The following CSNK1G3 variants were observed in gnomAD, a reference collection of about 807,000 sequenced individuals.
CSNK1G3 encodes casein kinase 1 gamma 3, also known as casein kinase I isoform gamma-3.
CSNK1G3 carries 23 observed loss-of-function variants against 64.3 expected under a neutral mutation model. The ratio of observed to expected loss-of-function variants is 0.36; its 90% CI spans 0.26 to 0.51. CSNK1G3 has a LOEUF of 0.51. Ranked by LOEUF, CSNK1G3 falls within the 20% of genes least tolerant of loss-of-function variation. The pLI is 0.96. For missense variants in CSNK1G3, 357 were observed against 510.5 expected, an observed-to-expected ratio of 0.70 and a Z score of 2.90; for synonymous variants, 158 against 162.2, an observed-to-expected ratio of 0.97 and a Z score of 0.20.
chr5:123,613,805 C>T (rs7737288), intron 12 of CSNK1G3, among the ~76,000 whole-genome samples: 57,807 of 152,088 alleles, frequency 0.38, 12,111 homozygotes, highest in East Asian at 0.67. Flanking sequence ...ACTAAACTTT[C>T]AATAAGCTTG....
chr5:123,520,890 C>T (rs1290231006), intron 1 of CSNK1G3, among the ~76,000 whole-genome samples: 5 of 151,844 alleles, frequency 3.3e-5, no homozygotes, highest in Admixed American at 6.6e-5. Flanking sequence ...TTTCTTTACA[C>T]CCACTGTGTG....
chr5:123,606,561 A>G lies in CSNK1G3; in HGVS notation c.1217+1199A>G, dbSNP rs138268809. 2.0e-5 allele frequency among the ~76,000 whole-genome samples: 3 copies of G among 152,298 alleles called. No homozygotes were observed. The East Asian group carries it at 5.8e-4, about 29-fold the overall frequency. On this transcript the variant is annotated intron_variant, in intron 12 of 12. Coordinates refer to ENST00000345990, the Ensembl canonical transcript of CSNK1G3. ...ATAGGTTGAGAAAATTAAATGTGAT[A>G]AAGCCCTGGTATTTTGTCTGGCACA...
At chr5:123,556,397 C>T (rs1469853059) in intron 3 of CSNK1G3, among the ~76,000 whole-genome samples, 1 of 152,038 alleles carries the variant, frequency 6.6e-6, no homozygotes, top group Non-Finnish European at 1.5e-5. Context: ...CTCCTTTCCT[C>T]CTGATACTGT....
intron 10 of CSNK1G3, among the ~76,000 whole-genome samples, chr5:123,599,278 T>C (rs894401853): frequency 6.6e-6 from 1 of 152,214 alleles, no homozygotes; most frequent in African/African-American, 2.4e-5. Context: ...AAATCTCTTA[T>C]AGTTGTACAG....
intron 1 of CSNK1G3, among the ~76,000 whole-genome samples, chr5:123,521,076 T>G (rs1222162392): frequency 1.3e-5 from 2 of 152,124 alleles, no homozygotes; most frequent in Non-Finnish European, 2.9e-5. Flanking sequence ...AAATTCTAAT[T>G]TGGAGTACAA....
At chr5:123,589,261 A>C (rs971758244) in intron 8 of CSNK1G3, among the ~76,000 whole-genome samples, 1 of 152,198 alleles carries the variant, frequency 6.6e-6, no homozygotes, top group African/African-American at 2.4e-5. Context: ...TAACAAAAGT[A>C]GCTCTTTCTC....
At chr5:123,558,355 G>C (rs996399364) in intron 4 of CSNK1G3, among the ~76,000 whole-genome samples, 2 of 152,078 alleles carry the variant, frequency 1.3e-5, no homozygotes, top group African/African-American at 4.8e-5. Flanking sequence ...AATTTCTATT[G>C]TTTGTTACAT....
chr5:123,542,746 G>T (rs1157951585), intron 1 of CSNK1G3, among the ~76,000 whole-genome samples: 1 of 151,696 alleles, frequency 6.6e-6, no homozygotes, highest in Non-Finnish European at 1.5e-5. Flanking sequence ...CATTGTTTTT[G>T]ATAAGAAGTT....
rs190610325 is a variant in CSNK1G3 at position 123,574,091 on chromosome 5, C to T, written c.438+550C>T. On this transcript the variant is annotated intron_variant, in intron 5 of 12. Transcript: ENST00000345990. ...GTCTCGATCTCCTGACCTTGTGATCCGCCCGCCTTGGCCTTCCAAAGTTCT... is the reference window on the plus strand; with the variant it reads ...GTCTCGATCTCCTGACCTTGTGATCTGCCCGCCTTGGCCTTCCAAAGTTCT... Among the ~76,000 whole-genome samples the T allele has an allele frequency of 1.5e-3, 231 of 152,146 alleles. 2 individuals carry two copies. The highest frequency in any genetic ancestry group is 2.4e-3 in the Non-Finnish European group (165 of 67,996).
chr5:123,606,066 A>C (rs1795313202), intron 12 of CSNK1G3, among the ~76,000 whole-genome samples: 1 of 152,072 alleles, frequency 6.6e-6, no homozygotes, highest in South Asian at 2.1e-4. Flanking sequence ...TAAATTTTGA[A>C]ATATTTTACT....
chr5:123,604,811 G>C lies in CSNK1G3; in HGVS notation c.1174G>C (p.Glu392Gln), dbSNP rs779460651. 5 of 1,609,360 alleles carry C rather than the reference G, an allele frequency of 3.1e-6. No homozygotes were observed. In the South Asian group the frequency reaches 5.5e-5, roughly 18 times the overall value. ...ACCCATCACAGCCCCTACTGAAGTAGAAGTGATGGATGAAACCAAGTATGT... is the reference window on the plus strand; with the variant it reads ...ACCCATCACAGCCCCTACTGAAGTACAAGTGATGGATGAAACCAAGTATGT... Residue 392 changes from glutamate to glutamine, a missense_variant, in exon 11 of 13, where the codon GAA (glutamate) becomes CAA (glutamine). By Grantham distance (29) the Glu-to-Gln change is conservative. This residue lies in a region of CSNK1G3 where 187 missense variants were observed against 217.1 expected (regional missense o/e 0.86). Coordinates refer to ENST00000345990, the Ensembl canonical transcript of CSNK1G3.
intron 12 of CSNK1G3, among the ~76,000 whole-genome samples, chr5:123,607,427 C>T (rs1435502432): frequency 6.6e-6 from 1 of 152,064 alleles, no homozygotes; most frequent in East Asian, 1.9e-4. Flanking sequence ...TATACCCATA[C>T]AATGGACTGC....
chr5:123,553,043 G>GT (rs1783991684), intron 2 of CSNK1G3, 64 bp from the exon 3 acceptor site: 1 of 931,622 alleles, frequency 1.1e-6, no homozygotes, highest in Admixed American at 2.8e-5. Flanking sequence ...TCAGAGTACA[G>GT]TTTTATATAA....
intron 5 of CSNK1G3, among the ~76,000 whole-genome samples, chr5:123,574,364 A>G (rs113637514): frequency 2.4e-3 from 360 of 152,278 alleles, no homozygotes; most frequent in African/African-American, 8.3e-3. Flanking sequence ...TAATTCTACA[A>G]ATTTATCCTA....
chr5:123,523,827 G>T (rs1018838958), intron 1 of CSNK1G3, among the ~76,000 whole-genome samples: 1 of 152,256 alleles, frequency 6.6e-6, no homozygotes, highest in African/African-American at 2.4e-5. Context: ...GTTCTGAACT[G>T]TTCTCTTTAT....
intron 10 of CSNK1G3, among the ~76,000 whole-genome samples, chr5:123,600,365 C>A (rs1389100172): frequency 6.6e-6 from 1 of 151,994 alleles, no homozygotes; most frequent in African/African-American, 2.4e-5. Flanking sequence ...GTGGCTCATG[C>A]CTGTAATCCC....
intron 4 of CSNK1G3, among the ~76,000 whole-genome samples, chr5:123,565,416 C>T (rs1171156646): frequency 6.6e-6 from 1 of 152,056 alleles, no homozygotes; most frequent in African/African-American, 2.4e-5. Flanking sequence ...TGCCTTAATG[C>T]AAAATTACCC....
intron 4 of CSNK1G3, 23 bp from the exon 5 acceptor site, chr5:123,573,370 A>C: frequency 6.2e-7 from 1 of 1,609,496 alleles, no homozygotes. Flanking sequence ...GAAATTATTA[A>C]ATGAGTATTT....
At chr5:123,535,020 A>G (rs965590527) in intron 1 of CSNK1G3, among the ~76,000 whole-genome samples, 3 of 152,132 alleles carry the variant, frequency 2.0e-5, no homozygotes, top group Non-Finnish European at 4.4e-5. Flanking sequence ...CACTTTCTCT[A>G]TTGGTTTTGA....
Sources: gnomAD v4.1 joint callset for allele counts (sites outside exome capture counted in the v4.1 genomes callset) on GRCh38, gnomAD v4.1.1 for gene constraint, gnomAD v4.1.1 regional missense constraint, MANE v1.5 for transcripts, NCBI Gene and HGNC (gene_info 2026-07-23, HGNC 2026-07-21) for gene names.